The following SPAG16 variants were observed in gnomAD, a reference collection of about 807,000 sequenced individuals.
SPAG16 encodes the protein sperm associated antigen 16, also known as sperm-associated antigen 16 protein.
A neutral mutation model predicts 80.4 loss-of-function variants in SPAG16; 86 were observed. The observed-to-expected ratio is 1.07, with a 90% CI of 0.90 to 1.28. The LOEUF (loss-of-function observed/expected upper bound fraction) is 1.28, where lower values mean the gene tolerates loss of function less well. SPAG16 is among the 50% of genes most tolerant of loss of function. The pLI is 0.00. For synonymous variants in SPAG16, 294 were observed against 265.9 expected (o/e 1.11, Z -1.03); for missense variants, 870 against 765.3 (o/e 1.14, Z -1.61).
Position 213,770,058 on chromosome 2 carries a change from A to G in SPAG16, c.1071-92427A>G, listed in dbSNP as rs140679465. On this transcript the variant is annotated intron_variant, in intron 10 of 15. Transcript: ENST00000331683. ...AGCATGAAGATTTGAAGATTTGTCC[A>G]TGTTGTTGCTTATATCAATGCTCTG... Among the ~76,000 whole-genome samples the G allele has an allele frequency of 2.0e-5, 3 of 152,118 alleles. No homozygotes were observed. In the East Asian group the frequency reaches 5.8e-4, roughly 29 times the overall value.
At chr2:214,069,693 T>G (rs2050695624) in intron 13 of SPAG16, among the ~76,000 whole-genome samples, 1 of 152,166 alleles carries the variant, frequency 6.6e-6, no homozygotes. Context: ...GCTTGTTCCC[T>G]TCTGTCACCT....
intron 10 of SPAG16, among the ~76,000 whole-genome samples, chr2:213,549,958 TTTAA>T (rs1420384524): frequency 6.6e-6 from 1 of 152,084 alleles, no homozygotes; most frequent in East Asian, 1.9e-4. Flanking sequence ...TTTGTAATAA[TTTAA>T]TTAAAAATTT....
intron 9 of SPAG16, among the ~76,000 whole-genome samples, chr2:213,398,644 A>G (rs376870094): frequency 1.7e-4 from 26 of 152,262 alleles, no homozygotes; most frequent in Middle Eastern, 6.8e-3. Context: ...GAGACTTTTC[A>G]TAGCCATCCA....
chr2:214,135,984 T>G (rs1199640162), intron 14 of SPAG16, among the ~76,000 whole-genome samples: 2 of 151,978 alleles, frequency 1.3e-5, no homozygotes, highest in Admixed American at 6.6e-5. Context: ...CTGCTTTTGG[T>G]TAGGGTTTCA....
chr2:213,576,478 T>C (rs544096028), intron 10 of SPAG16, among the ~76,000 whole-genome samples: 134 of 152,294 alleles, frequency 8.8e-4, no homozygotes, highest in Non-Finnish European at 1.6e-3. Context: ...ACTGGATATA[T>C]ACCCAAAGGA....
intron 4 of SPAG16, among the ~76,000 whole-genome samples, chr2:213,313,255 TA>T: frequency 6.6e-6 from 1 of 151,874 alleles, no homozygotes; most frequent in East Asian, 1.9e-4. Context: ...AGCAGCCATT[TA>T]GGTGAGTATT....
chr2:213,478,712 T>A (rs2125688339), intron 9 of SPAG16, among the ~76,000 whole-genome samples: 2 of 152,296 alleles, frequency 1.3e-5, no homozygotes, highest in African/African-American at 4.8e-5. Context: ...TTTGAATGAA[T>A]TAATAAAAAC....
intron 9 of SPAG16, among the ~76,000 whole-genome samples, chr2:213,457,998 GT>G (rs1366121923): frequency 2.6e-5 from 4 of 151,478 alleles, no homozygotes; most frequent in Non-Finnish European, 4.4e-5. Flanking sequence ...GACTGCTTGA[GT>G]TTTTTACTCA....
At chr2:213,490,371 T>G (rs2074186049) in intron 10 of SPAG16, among the ~76,000 whole-genome samples, 4 of 152,174 alleles carry the variant, frequency 2.6e-5, no homozygotes, top group African/African-American at 9.6e-5. Flanking sequence ...TAGGATTACT[T>G]TAAAGATAGG....
At chr2:214,131,080 C>T (rs1408853837) in intron 14 of SPAG16, among the ~76,000 whole-genome samples, 1 of 152,068 alleles carries the variant, frequency 6.6e-6, no homozygotes, top group Admixed American at 6.6e-5. Flanking sequence ...AAGCATTATG[C>T]TAGGTGTCGT....
chr2:213,452,434 TTA>T (rs983991270), intron 9 of SPAG16, among the ~76,000 whole-genome samples: 1 of 152,172 alleles, frequency 6.6e-6, no homozygotes, highest in Non-Finnish European at 1.5e-5. Context: ...ATCAGATTCT[TTA>T]TTTTTCTTTT....
intron 10 of SPAG16, among the ~76,000 whole-genome samples, chr2:213,662,870 G>C (rs1189620695): frequency 6.6e-6 from 1 of 151,866 alleles, no homozygotes; most frequent in Non-Finnish European, 1.5e-5. Flanking sequence ...CAAATACTTT[G>C]CATTTGACAA....
chr2:213,658,149 A>G (rs1168523629), intron 10 of SPAG16, among the ~76,000 whole-genome samples: 1 of 152,026 alleles, frequency 6.6e-6, no homozygotes, highest in Non-Finnish European at 1.5e-5. Context: ...AGAAAATCCT[A>G]TGCCTTTTCT....
At chr2:213,403,265 G>C (rs2068425537) in intron 9 of SPAG16, among the ~76,000 whole-genome samples, 1 of 152,018 alleles carries the variant, frequency 6.6e-6, no homozygotes, top group South Asian at 2.1e-4. Flanking sequence ...CCCACTTTTT[G>C]ATGGGGTTGT....
intron 9 of SPAG16, among the ~76,000 whole-genome samples, chr2:213,466,243 A>G (rs749752582): frequency 2.2e-4 from 33 of 152,170 alleles, no homozygotes; most frequent in Non-Finnish European, 4.1e-4. Flanking sequence ...AGTCCCCTTT[A>G]TATATACATC....
intron 14 of SPAG16, among the ~76,000 whole-genome samples, chr2:214,115,416 T>C (rs1233050731): frequency 6.6e-6 from 1 of 152,230 alleles, no homozygotes; most frequent in African/African-American, 2.4e-5. Flanking sequence ...GACATTCATG[T>C]TGCGTTACCA....
At chr2:213,858,510 T>C (rs1280713791) in intron 10 of SPAG16, among the ~76,000 whole-genome samples, 1 of 152,210 alleles carries the variant, frequency 6.6e-6, no homozygotes, top group Non-Finnish European at 1.5e-5. Flanking sequence ...TACTATAGTA[T>C]AGGGTAAACA....
chr2:213,286,972 C>T (rs1296021018), intron 1 of SPAG16, among the ~76,000 whole-genome samples: 2 of 152,212 alleles, frequency 1.3e-5, no homozygotes, highest in Non-Finnish European at 2.9e-5. Flanking sequence ...CCCTGCAACA[C>T]CCTTTCCCTG....
In SPAG16 at chr2:213,953,795, G is replaced by T. The variant is rs554290399; in HGVS notation, c.1400+23650G>T. ...TGACCCAAATTATCAGGATAAAAAG[G>T]CATCCTTTACATAAAAAAATGAAAA... On this transcript the variant is annotated intron_variant, in intron 12 of 15. Coordinates refer to ENST00000331683, the MANE Select transcript of SPAG16 (RefSeq NM_024532.5). Among the ~76,000 whole-genome samples, 8 of 151,754 alleles carry T rather than the reference G, an allele frequency of 5.3e-5. No individual in the cohort carries two copies. In the East Asian group the frequency reaches 1.4e-3, roughly 26 times the overall value.
Sources: gnomAD v4.1 joint callset for allele counts (sites outside exome capture counted in the v4.1 genomes callset) on GRCh38, gnomAD v4.1.1 for gene constraint, MANE v1.5 for transcripts, NCBI Gene and HGNC (gene_info 2026-07-23, HGNC 2026-07-21) for gene names.